ABCC1: variants seen among roughly 807,000 people sequenced by gnomAD.
ABCC1 encodes the protein multidrug resistance-associated protein 1.
In ABCC1, 83 loss-of-function variants were observed where a neutral mutation model predicts 172.9. The observed-to-expected ratio is 0.48, with a 90% CI of 0.40 to 0.58. ABCC1 has a LOEUF of 0.58. ABCC1 is among the 20% of genes least tolerant of loss of function. ABCC1 has a pLI of 0.00. For synonymous variants in ABCC1, 937 were observed against 825.2 expected, an observed-to-expected ratio of 1.14 and a Z score of -2.32; for missense variants, 1,817 against 2,002.7, an observed-to-expected ratio of 0.91 and a Z score of 1.77.
At chr16:16,104,025 GCT>G (rs1331476527) in intron 20 of ABCC1, among the ~76,000 whole-genome samples, 3 of 152,280 alleles carry the variant, frequency 2.0e-5, no homozygotes, top group African/African-American at 7.2e-5. Flanking sequence ...AAGTGTTACA[GCT>G]CTTAAGGTGG....
intron 12 of ABCC1, among the ~76,000 whole-genome samples, chr16:16,059,081 G>A (rs1480341786): frequency 6.6e-6 from 1 of 151,798 alleles, no homozygotes; most frequent in Non-Finnish European, 1.5e-5. Context: ...TCTGGTTCAG[G>A]TTGACATGTA....
chr16:16,018,257 C>G (rs954743017), intron 5 of ABCC1, among the ~76,000 whole-genome samples: 3 of 151,916 alleles, frequency 2.0e-5, no homozygotes, highest in Non-Finnish European at 4.4e-5. Flanking sequence ...TTTTAGAAAC[C>G]TATGTCTCAG....
At chr16:16,007,097 C>T (rs1462313404) in intron 1 of ABCC1, among the ~76,000 whole-genome samples, 1 of 152,092 alleles carries the variant, frequency 6.6e-6, no homozygotes, top group Non-Finnish European at 1.5e-5. Flanking sequence ...CTTTAAATGG[C>T]TCTCTCCATC....
intron 16 of ABCC1, among the ~76,000 whole-genome samples, chr16:16,079,840 G>C (rs1257801577): frequency 6.6e-6 from 1 of 150,450 alleles, no homozygotes; most frequent in Admixed American, 6.7e-5. Flanking sequence ...TTGAGACAGG[G>C]TCAGGCTCTG....
intron 20 of ABCC1, among the ~76,000 whole-genome samples, chr16:16,105,039 C>T (rs1035680354): frequency 5.9e-5 from 9 of 152,168 alleles, no homozygotes; most frequent in South Asian, 2.1e-4. Context: ...CTGAGGGAGC[C>T]GGCTCCAGCC....
intron 2 of ABCC1, among the ~76,000 whole-genome samples, chr16:16,008,592 C>T (rs937349222): frequency 6.6e-6 from 1 of 151,612 alleles, no homozygotes; most frequent in Admixed American, 6.6e-5. Context: ...TGGTGGCTCA[C>T]GCCTGTAATC....
At chr16:15,983,727 G>C (rs1288039388) in intron 1 of ABCC1, among the ~76,000 whole-genome samples, 1 of 151,594 alleles carries the variant, frequency 6.6e-6, no homozygotes, top group Non-Finnish European at 1.5e-5. Context: ...GGCTAATTTT[G>C]GTATTTTTAT....
intron 12 of ABCC1, among the ~76,000 whole-genome samples, chr16:16,063,205 C>T (rs2049985391): frequency 6.6e-6 from 1 of 152,220 alleles, no homozygotes; most frequent in Admixed American, 6.5e-5. Flanking sequence ...CTCCCAGGTT[C>T]AGCTGATTCT....
intron 1 of ABCC1, among the ~76,000 whole-genome samples, chr16:15,989,574 G>A (rs189566620): frequency 1.6e-3 from 247 of 152,194 alleles, no homozygotes; most frequent in African/African-American, 5.5e-3. Context: ...CCTCTGCAGC[G>A]TTGTTTCTGA....
In ABCC1 at chr16:16,036,565, G is replaced by A. The variant is rs2048766542; in HGVS notation, c.771G>A (p.Leu257=). 2 of 1,614,078 alleles carry A rather than the reference G, an allele frequency of 1.2e-6. No homozygotes were observed. Among genetic ancestry groups the A allele is most frequent in the Non-Finnish European group, 1.7e-6 (2 of 1,179,962 alleles). ...CGTCGGAACAAGTCGTGCCTGTTTT[G>A]GTAAAGAACTGGAAGAAGGAATGCG... ...EDTSEQVVPV[L]VKNWKKECAK... is the part of the protein sequence containing the mutation. The change falls in exon 7 of 31, where the codon TTG becomes TTA. Residue 257 remains leucine (L), a synonymous_variant. Coordinates refer to ENST00000399410, the MANE Select transcript of ABCC1 (RefSeq NM_004996.4).
chr16:16,133,942 A>G (rs930692162), intron 27 of ABCC1, among the ~76,000 whole-genome samples: 4 of 152,190 alleles, frequency 2.6e-5, no homozygotes, highest in Non-Finnish European at 5.9e-5. Context: ...TGAATCTTTC[A>G]GATATTTCAA....
rs184015145 is a variant in ABCC1, at chr16:16,077,892, G to T, written c.1989-1460G>T. Reference sequence around the variant, plus strand: ...AAAAAAACTAGCTGGGCATGGTGGTGCATGCCTGTAATCCCAGCACTTTGG... The same window carrying T: ...AAAAAAACTAGCTGGGCATGGTGGTTCATGCCTGTAATCCCAGCACTTTGG... On this transcript the variant is annotated intron_variant, in intron 15 of 30. Transcript: ENST00000399410. 1.1e-4 allele frequency among the ~76,000 whole-genome samples: 17 copies of T among 152,190 alleles called. 1 individual carries two copies. Among genetic ancestry groups the T allele is most frequent in the Admixed American group, 9.8e-4 (15 of 15,278 alleles).
At position 16,141,632 on chromosome 16, in the gene ABCC1, A is replaced by AT. The variant is rs2046130292; in HGVS notation, c.*352dup. 1 of 280,614 alleles carries AT rather than the reference A, an allele frequency of 3.6e-6. No individual in the cohort carries two copies. Among genetic ancestry groups the AT allele is most frequent in the Non-Finnish European group, 6.8e-6 (1 of 147,974 alleles). The allele number at this position is 280,614 out of a possible 1,614,324, so 17.4% of individuals were successfully genotyped here. Reference sequence around the variant, plus strand: ...CCAGACTTCTGGAGGAATTGGTTGTATAGAAGATCCTAGTGACCAAATTCA... The same window carrying AT: ...CCAGACTTCTGGAGGAATTGGTTGTATTAGAAGATCCTAGTGACCAAATTCA... On this transcript the variant is annotated 3_prime_UTR_variant, in exon 31 of 31. Transcript: ENST00000399410.
Position 16,137,727 on chromosome 16 carries a change from A to G in ABCC1, c.4293-637A>G, listed in dbSNP as rs142810875. ...GTCACCATGCCCAGTTAAATTTTGC[A>G]TTTTTAGTAGAGATGGGGTATCACC... On this transcript the variant is annotated intron_variant, in intron 29 of 30. Coordinates refer to ENST00000399410, the MANE Select transcript of ABCC1 (RefSeq NM_004996.4). Among the ~76,000 whole-genome samples, 1,420 of 151,426 alleles carry G rather than the reference A, an allele frequency of 9.4e-3. 13 individuals are homozygous for G. Among genetic ancestry groups the G allele is most frequent in the Non-Finnish European group, 0.015 (1,003 of 67,830 alleles).
intron 5 of ABCC1, among the ~76,000 whole-genome samples, chr16:16,026,460 A>ATTGCTT (rs2048374200): frequency 2.6e-5 from 1 of 38,984 alleles, no homozygotes; most frequent in Non-Finnish European, 6.1e-5. Flanking sequence ...AAAAAAGGCT[A>ATTGCTT]TTTCCTTTTT....
chr16:16,056,798 C>T (rs761888156), intron 12 of ABCC1, among the ~76,000 whole-genome samples: 17 of 149,080 alleles, frequency 1.1e-4, no homozygotes, highest in Non-Finnish European at 2.1e-4. Context: ...GTGTAGGAAC[C>T]GTTCGTTATC....
intron 13 of ABCC1, among the ~76,000 whole-genome samples, 191 bp from the exon 14 acceptor site, chr16:16,071,451 C>A (rs2050344855): frequency 6.6e-6 from 1 of 152,036 alleles, no homozygotes; most frequent in South Asian, 2.1e-4. Context: ...CAAAGCAGAA[C>A]CAAACCTGTT....
Position 16,090,389 on chromosome 16 carries a change from TC to T in ABCC1, c.2461-12del. 6.4e-7 allele frequency: 1 copy of T among 1,569,492 alleles called. No individual in the cohort carries two copies. Among genetic ancestry groups the T allele is most frequent in the East Asian group, 2.3e-5 (1 of 43,932 alleles). On this transcript the variant is annotated splice_polypyrimidine_tract_variant and intron_variant, in intron 18 of 30. Transcript: ENST00000399410. ...ACATGTGCACTCACGTGGCCGGGTG[TC>T]CCCTTTGCCCACAGACGCGGATCTT...
At chr16:16,130,497 A>T (rs73504231) in intron 26 of ABCC1, among the ~76,000 whole-genome samples, 5 of 152,332 alleles carry the variant, frequency 3.3e-5, no homozygotes, top group African/African-American at 1.2e-4. Context: ...CAGAGACCAT[A>T]GTGTAGATTT....
Sources: gnomAD v4.1 joint callset for allele counts (sites outside exome capture counted in the v4.1 genomes callset) on GRCh38, gnomAD v4.1.1 for gene constraint, MANE v1.5 for transcripts, NCBI Gene and HGNC (gene_info 2026-07-23, HGNC 2026-07-21) for gene names.